TBC1D22B: variants seen among roughly 807,000 people sequenced by gnomAD.
TBC1D22B encodes TBC1 domain family member 22B.
In TBC1D22B, 32 loss-of-function variants were observed where a neutral mutation model predicts 69.1. That is an observed-to-expected ratio of 0.46 (90% CI 0.35 to 0.62). The LOEUF is 0.62. TBC1D22B is among the 20% of genes least tolerant of loss of function. The pLI is 0.00. For synonymous variants in TBC1D22B, 206 were observed against 229.8 expected (o/e 0.90, Z 0.94); for missense variants, 462 against 630.9 (o/e 0.73, Z 2.87).
At chr6:37,269,476 A>G in intron 1 of TBC1D22B, 118 bp from the exon 2 acceptor site, 1 of 894,362 alleles carries the variant, frequency 1.1e-6, no homozygotes, top group Non-Finnish European at 1.8e-6. Context: ...GAGTACAGTT[A>G]TTAGAGATAA....
intron 12 of TBC1D22B, among the ~76,000 whole-genome samples, chr6:37,326,649 A>G (rs1177243926): frequency 6.6e-6 from 1 of 151,516 alleles, no homozygotes; most frequent in Non-Finnish European, 1.5e-5. Flanking sequence ...TTAACCAGGC[A>G]TGGTGGCTCA....
rs1242561942 is a variant in TBC1D22B, at chr6:37,326,358, C to T, written c.1390-4686C>T. Among the ~76,000 whole-genome samples the T allele has an allele frequency of 1.6e-4, 19 of 121,632 alleles. No individual in the cohort carries two copies. The Admixed American group carries it at 1.9e-3, about 12-fold the overall frequency. 79.8% of individuals were successfully genotyped at this position (121,632 alleles called of 152,430 possible). On this transcript the variant is annotated intron_variant, in intron 12 of 12. Coordinates refer to ENST00000373491, the MANE Select transcript of TBC1D22B (RefSeq NM_017772.4). ...TTGCTGCTGCACTCCAGCCTGGTGA[C>T]AGAGTGAGACTGCGCCTCAAAAAAA...
chr6:37,321,162 A>G (rs1768229587), intron 12 of TBC1D22B, among the ~76,000 whole-genome samples: 1 of 151,762 alleles, frequency 6.6e-6, no homozygotes, highest in Non-Finnish European at 1.5e-5. Flanking sequence ...GTAGGCTATA[A>G]TACCCCATTT....
At chr6:37,305,981 G>A (rs370608658) in intron 8 of TBC1D22B, among the ~76,000 whole-genome samples, 2 of 152,178 alleles carry the variant, frequency 1.3e-5, no homozygotes, top group Middle Eastern at 3.2e-3. Flanking sequence ...CCCCATCTTC[G>A]TAGATGAAGC....
intron 1 of TBC1D22B, among the ~76,000 whole-genome samples, chr6:37,269,235 G>C (rs1422339451): frequency 6.6e-6 from 1 of 152,162 alleles, no homozygotes. Context: ...TGAGAAAACA[G>C]GTTCAAAGGA....
intron 12 of TBC1D22B, among the ~76,000 whole-genome samples, chr6:37,321,471 A>G (rs1373118050): frequency 6.6e-6 from 1 of 152,246 alleles, no homozygotes; most frequent in African/African-American, 2.4e-5. Flanking sequence ...TTTAGCAACA[A>G]CAACAAAAAC....
chr6:37,304,775 A>G (rs1412156117), intron 8 of TBC1D22B, among the ~76,000 whole-genome samples: 1 of 152,340 alleles, frequency 6.6e-6, no homozygotes, highest in East Asian at 1.9e-4. Context: ...ACTATGCGTA[A>G]TTCTACTTTT....
chr6:37,268,205 T>A (rs2113718586), intron 1 of TBC1D22B, among the ~76,000 whole-genome samples: 1 of 152,312 alleles, frequency 6.6e-6, no homozygotes, highest in East Asian at 1.9e-4. Context: ...TGATATATAC[T>A]TATTCTTGAA....
chr6:37,261,246 A>G (rs1045199548), intron 1 of TBC1D22B, among the ~76,000 whole-genome samples: 6 of 152,010 alleles, frequency 3.9e-5, no homozygotes, highest in African/African-American at 1.5e-4. Flanking sequence ...AGCCTGGCCA[A>G]CGTGGTGAAA....
intron 8 of TBC1D22B, among the ~76,000 whole-genome samples, chr6:37,306,900 C>T (rs1220312836): frequency 6.6e-6 from 1 of 152,174 alleles, no homozygotes; most frequent in African/African-American, 2.4e-5. Flanking sequence ...CCTTGTGAAA[C>T]AGAACCACCT....
At chr6:37,317,459 G>T (rs910344091) in intron 12 of TBC1D22B, among the ~76,000 whole-genome samples, 1 of 152,184 alleles carries the variant, frequency 6.6e-6, no homozygotes, top group African/African-American at 2.4e-5. Flanking sequence ...AGATCTTTCA[G>T]TCATTCACTG....
At chr6:37,319,085 A>G (rs1454335517) in intron 12 of TBC1D22B, among the ~76,000 whole-genome samples, 1 of 152,176 alleles carries the variant, frequency 6.6e-6, no homozygotes, top group Non-Finnish European at 1.5e-5. Context: ...ACAGAAGACT[A>G]TTTAGTAGAT....
chr6:37,302,328 A>G, intron 8 of TBC1D22B, among the ~76,000 whole-genome samples: 1 of 152,290 alleles, frequency 6.6e-6, no homozygotes, highest in East Asian at 1.9e-4. Flanking sequence ...CCCTGGGGAG[A>G]TAAAGTCTCT....
chr6:37,260,289 G>A (rs1009077489), intron 1 of TBC1D22B, among the ~76,000 whole-genome samples: 1 of 152,296 alleles, frequency 6.6e-6, no homozygotes, highest in Admixed American at 6.5e-5. Context: ...CTGGATGCAT[G>A]CAAACTTGGA....
chr6:37,315,911 T>C (rs1328724557), intron 10 of TBC1D22B, among the ~76,000 whole-genome samples: 1 of 152,228 alleles, frequency 6.6e-6, no homozygotes, highest in Non-Finnish European at 1.5e-5. Context: ...CAAGAATTGT[T>C]TGAAATATTT....
chr6:37,282,734 C>A (rs955661373), intron 4 of TBC1D22B, 148 bp from the exon 5 acceptor site: 12 of 747,842 alleles, frequency 1.6e-5, no homozygotes, highest in African/African-American at 1.7e-5. Context: ...CTGCTCGGGG[C>A]TGTTTTGGGC....
At chr6:37,269,202 T>G (rs1463280442) in intron 1 of TBC1D22B, among the ~76,000 whole-genome samples, 1 of 152,204 alleles carries the variant, frequency 6.6e-6, no homozygotes, top group African/African-American at 2.4e-5. Flanking sequence ...AGCCTTTCAA[T>G]TAGGCAATAT....
chr6:37,267,778 G>A (rs1300091036), intron 1 of TBC1D22B, among the ~76,000 whole-genome samples: 3 of 151,436 alleles, frequency 2.0e-5, no homozygotes, highest in South Asian at 2.1e-4. Context: ...ATTTTCTGTC[G>A]TAAAACATCC....
intron 4 of TBC1D22B, 112 bp from the exon 5 acceptor site, chr6:37,282,770 G>A: frequency 1.0e-6 from 1 of 970,780 alleles, no homozygotes; most frequent in Non-Finnish European, 1.6e-6. Flanking sequence ...TGGGTAGCAG[G>A]TGGTGGTGGT....
Sources: gnomAD v4.1 joint callset for allele counts (sites outside exome capture counted in the v4.1 genomes callset) on GRCh38, gnomAD v4.1.1 for gene constraint, MANE v1.5 for transcripts, NCBI Gene and HGNC (gene_info 2026-07-23, HGNC 2026-07-21) for gene names.